Variants in SCFD2 observed in about 807,000 individuals in gnomAD.
The protein encoded by SCFD2 is sec1 family domain containing 2, also known as sec1 family domain-containing protein 2.
In SCFD2, 54 loss-of-function variants were observed where a neutral mutation model predicts 58.9. That is an observed-to-expected ratio of 0.92 (90% confidence interval 0.74 to 1.15). SCFD2 has a LOEUF of 1.15. SCFD2 is among the 50% of genes most tolerant of loss of function. SCFD2 has a pLI of 0.00. For missense variants in SCFD2, 805 were observed against 836.6 expected, an observed-to-expected ratio of 0.96 and a Z score of 0.47; for synonymous variants, 321 against 335.9, an observed-to-expected ratio of 0.96 and a Z score of 0.49.
At chr4:52,960,539 T>C (rs557457448) in intron 5 of SCFD2, among the ~76,000 whole-genome samples, 1 of 152,218 alleles carries the variant, frequency 6.6e-6, no homozygotes, top group African/African-American at 2.4e-5. Flanking sequence ...CAGCTAATTT[T>C]GTATTTTTTA....
chr4:52,946,095 C>T (rs1720418284), intron 5 of SCFD2, among the ~76,000 whole-genome samples: 1 of 152,106 alleles, frequency 6.6e-6, no homozygotes. Context: ...AAAATTGAGA[C>T]AATAAGACTC....
chr4:52,935,660 CT>C (rs1337738158), intron 5 of SCFD2, among the ~76,000 whole-genome samples: 1 of 152,168 alleles, frequency 6.6e-6, no homozygotes, highest in Non-Finnish European at 1.5e-5. Flanking sequence ...GACGTGGCTT[CT>C]GTTAAACATT....
At chr4:52,933,866 C>T (rs1008603318) in intron 5 of SCFD2, among the ~76,000 whole-genome samples, 4 of 152,152 alleles carry the variant, frequency 2.6e-5, no homozygotes, top group Admixed American at 6.5e-5. Flanking sequence ...GAGGAGCCCT[C>T]GGAGTGGGTT....
intron 5 of SCFD2, among the ~76,000 whole-genome samples, chr4:52,930,419 C>G (rs946537663): frequency 3.3e-5 from 5 of 152,188 alleles, no homozygotes; most frequent in Middle Eastern, 3.4e-3. Flanking sequence ...AGGAGAAAAT[C>G]TAGGCAATAC....
At chr4:53,358,544 C>A (rs544535494) in intron 1 of SCFD2, among the ~76,000 whole-genome samples, 9 of 144,320 alleles carry the variant, frequency 6.2e-5, no homozygotes, top group Non-Finnish European at 1.0e-4. Flanking sequence ...CACAGTGAGA[C>A]GCTGTCTCAG....
chr4:52,948,708 C>G (rs1316934175), intron 5 of SCFD2: 1 of 345,074 alleles, frequency 2.9e-6, no homozygotes, highest in Non-Finnish European at 5.9e-6. Flanking sequence ...GCATAAGCAA[C>G]CAACAGAAGA....
chr4:53,193,825 T>TAAAA (rs1286253906), intron 4 of SCFD2, among the ~76,000 whole-genome samples: 1 of 152,158 alleles, frequency 6.6e-6, no homozygotes, highest in Non-Finnish European at 1.5e-5. Flanking sequence ...ATAAGCATGG[T>TAAAA]TCATAAGATT....
chr4:53,007,231 A>C lies in SCFD2; in HGVS notation c.1562-86361T>G, dbSNP rs1304877419. ...GAGTTTAAGGTTACAGTGAGCCATG[A>C]TTGTGCCACTGCACTGCAGCCTTGG... On this transcript the variant is annotated intron_variant, in intron 5 of 8. Transcript: ENST00000401642. Among the ~76,000 whole-genome samples, 3 of 145,080 alleles carry C rather than the reference A, an allele frequency of 2.1e-5. No individual in the cohort carries two copies. In the Admixed American group the frequency reaches 2.1e-4, roughly 10 times the overall value.
At chr4:53,173,305 C>A (rs1488958025) in intron 4 of SCFD2, among the ~76,000 whole-genome samples, 2 of 152,100 alleles carry the variant, frequency 1.3e-5, no homozygotes, top group East Asian at 3.8e-4. Flanking sequence ...CCATCATAAG[C>A]CAAGAAGTGT....
At chr4:53,024,110 T>C (rs763567777) in intron 5 of SCFD2, among the ~76,000 whole-genome samples, 3 of 152,120 alleles carry the variant, frequency 2.0e-5, no homozygotes, top group Admixed American at 6.6e-5. Context: ...TTTCAAGAAG[T>C]CTGCTTTCAT....
chr4:53,362,636 G>A (rs555341759), intron 1 of SCFD2, among the ~76,000 whole-genome samples: 1 of 151,868 alleles, frequency 6.6e-6, no homozygotes, highest in South Asian at 2.1e-4. Context: ...AGATGTTTGT[G>A]GAGACAACAA....
rs375038867 is a variant in SCFD2, at chr4:52,951,305, C to T, written c.1562-30435G>A. ...AAGATTTAGAAGTTTGGCTAAGACA[C>T]GGAGAAGCATAGAGAGGCAGAAACA... On this transcript the variant is annotated intron_variant, in intron 5 of 8. Coordinates refer to ENST00000401642, the MANE Select transcript of SCFD2 (RefSeq NM_152540.4). Among the ~76,000 whole-genome samples, 198 of 152,220 alleles carry T rather than the reference C, an allele frequency of 1.3e-3. 1 individual carries two copies. Among genetic ancestry groups the T allele is most frequent in the South Asian group, 3.9e-3 (19 of 4,816 alleles).
At chr4:52,930,490 G>A (rs768611232) in intron 5 of SCFD2, among the ~76,000 whole-genome samples, 3 of 151,942 alleles carry the variant, frequency 2.0e-5, no homozygotes, top group Non-Finnish European at 4.4e-5. Flanking sequence ...CAATTACAAC[G>A]AAAGCAAAAA....
intron 5 of SCFD2, among the ~76,000 whole-genome samples, chr4:52,979,365 T>G (rs1004582679): frequency 2.6e-5 from 4 of 152,248 alleles, no homozygotes; most frequent in Admixed American, 2.6e-4. Context: ...TCTGTGTCAT[T>G]AAAAGTTCAC....
At chr4:53,246,301 A>T (rs980206865) in intron 4 of SCFD2, among the ~76,000 whole-genome samples, 27 of 152,244 alleles carry the variant, frequency 1.8e-4, no homozygotes, top group Admixed American at 6.5e-4. Flanking sequence ...TGCTATTTCT[A>T]TCAAAATAAC....
intron 5 of SCFD2, among the ~76,000 whole-genome samples, chr4:53,107,940 A>G (rs1194324492): frequency 2.0e-5 from 3 of 152,222 alleles, no homozygotes; most frequent in Admixed American, 6.5e-5. Flanking sequence ...ACAGCACCAC[A>G]TCGCACTTAT....
chr4:52,889,746 A>C (rs1249998303), intron 7 of SCFD2, among the ~76,000 whole-genome samples: 2 of 152,250 alleles, frequency 1.3e-5, no homozygotes, highest in Non-Finnish European at 1.5e-5. Flanking sequence ...AAGAAACAGA[A>C]AACCAGCACC....
Position 52,990,518 on chromosome 4 carries a change from G to A in SCFD2, c.1562-69648C>T, listed in dbSNP as rs974934726. 2.0e-5 allele frequency among the ~76,000 whole-genome samples: 3 copies of A among 152,228 alleles called. 1 individual carries two copies. The East Asian group carries it at 5.8e-4, about 29-fold the overall frequency. ...GCTGAGGCTGCTTGCAAAGCCATAG[G>A]TGGAGGCTAGCATTATTCCCATTTT... On this transcript the variant is annotated intron_variant, in intron 5 of 8. Coordinates refer to ENST00000401642, the MANE Select transcript of SCFD2 (RefSeq NM_152540.4).
chr4:53,133,076 C>T (rs113766152), intron 5 of SCFD2, among the ~76,000 whole-genome samples: 22,490 of 152,020 alleles, frequency 0.15, 2,127 homozygotes, highest in Admixed American at 0.24. Flanking sequence ...TGCCTGTAAT[C>T]CCAGCACTTT....
Sources: allele counts gnomAD v4.1 joint callset (sites outside exome capture counted in the v4.1 genomes callset), GRCh38; gene constraint gnomAD v4.1.1; transcripts MANE v1.5; gene names NCBI Gene and HGNC (gene_info 2026-07-23, HGNC 2026-07-21).